Variants in SPHK1 observed in about 807,000 individuals in gnomAD.
SPHK1 encodes the protein sphingosine kinase 1.
A neutral mutation model predicts 14.6 loss-of-function variants in SPHK1; 10 were observed. The ratio of observed to expected loss-of-function variants is 0.68; its 90% confidence interval spans 0.42 to 1.16. The LOEUF is 1.16. SPHK1 is among the 50% of genes most tolerant of loss of function. The pLI is 0.00. For missense variants in SPHK1, 553 were observed against 525.4 expected, an observed-to-expected ratio of 1.05 and a Z score of -0.51; for synonymous variants, 274 against 224.0, an observed-to-expected ratio of 1.22 and a Z score of -1.99.
In SPHK1 at chr17:76,386,215, C is replaced by T. The variant is rs1490586641; in HGVS notation, c.164-6C>T. 3.1e-6 allele frequency: 5 copies of T among 1,595,976 alleles called. No individual in the cohort carries two copies. In the Admixed American group the frequency reaches 8.4e-5, roughly 27 times the overall value. On this transcript the variant is annotated splice_region_variant and splice_polypyrimidine_tract_variant and intron_variant, in intron 3 of 5. Transcript: ENST00000592299. This position sits in a 1 kb window ranked among gnomAD's most constrained non-coding sequence, Gnocchi z 5.3. ...CCAGTCCTGATAGCTGCCGGTCTCC[C>T]TGCAGAGCGGCGGAACCACGCGCGG... is the stretch of plus-strand genomic sequence containing the variant.
chr17:76,384,840 T>TG (rs2071933304), intron 1 of SPHK1, 34 bp downstream of exon 1: 1 of 359,300 alleles, frequency 2.8e-6, no homozygotes, highest in African/African-American at 2.2e-5. Flanking sequence ...GCGCCGCTCG[T>TG]GGCTCCTGTG....
At position 76,387,220 on chromosome 17, in the gene SPHK1, G is replaced by C; in HGVS notation, c.789G>C (p.Leu263=). 1 of 1,613,044 alleles carries C rather than the reference G, an allele frequency of 6.2e-7. No homozygotes were observed. Among genetic ancestry groups the C allele is most frequent in the South Asian group, 1.1e-5 (1 of 91,000 alleles). ...PDEDFVLVLA[L]LHSHLGSEMF... ...AGGACTTTGTGCTAGTCCTGGCACT[G>C]CTGCACTCGCACCTGGGCAGTGAGA... The change falls in exon 6 of 6, where the codon CTG becomes CTC. Residue 263 remains leucine (L), a synonymous_variant. Coordinates refer to ENST00000592299, the MANE Select transcript of SPHK1 (RefSeq NM_001142601.2). The surrounding 1 kb of genome is among the most constrained non-coding windows in gnomAD (Gnocchi z 4.1).
At chr17:76,383,610 C>T, upstream of SPHK1, 2 of 303,030 alleles carry the variant, frequency 6.6e-6, no homozygotes, top group Middle Eastern at 1.1e-3. Flanking sequence ...CTAACTCTGG[C>T]CCTACCTGGG....
rs778122734 is a variant in SPHK1, at chr17:76,386,455, C to T, written c.321C>T (p.Ser107=). 2.5e-6 allele frequency: 4 copies of T among 1,613,028 alleles called. No individual in the cohort carries two copies. Among genetic ancestry groups the T allele is most frequent in the East Asian group, 2.2e-5 (1 of 44,870 alleles). Residue 107 remains serine, a synonymous_variant, in exon 5 of 6, where the codon AGC becomes AGT. Transcript: ENST00000592299. This position sits in a 1 kb window ranked among gnomAD's most constrained non-coding sequence, Gnocchi z 5.3. ...WETAIQKPLC[S]LPAGSGNALA... ...CCGCCATCCAGAAGCCCCTGTGTAG[C>T]CTCCCAGCAGGCTCTGGCAACGCGC...
chr17:76,384,542 G>C (rs967737416), upstream of SPHK1: 3 of 151,156 alleles, frequency 2.0e-5, no homozygotes, highest in Non-Finnish European at 4.4e-5. Context: ...GGCAGAGGCC[G>C]AGGCCGCGCC....
intron 1 of SPHK1, 185 bp downstream of exon 1, chr17:76,384,991 G>A (rs2071936033): frequency 7.8e-7 from 1 of 1,274,828 alleles, no homozygotes; most frequent in Non-Finnish European, 1.1e-6. Context: ...TCGCAACGGA[G>A]CGGGGCCCTG....
In SPHK1 at chr17:76,387,409, C is replaced by T. The variant is rs145285871; in HGVS notation, c.978C>T (p.Ala326=). ...ACTTGGTATATGTGCCCGTGGTCGC[C>T]TTCCGCTTGGAGCCCAAGGATGGGA... ...CPYLVYVPVV[A]FRLEPKDGKG... is the part of the protein sequence containing the mutation. Residue 326 remains alanine, a synonymous_variant, in exon 6 of 6, where the codon GCC becomes GCT. Coordinates refer to ENST00000592299, the MANE Select transcript of SPHK1 (RefSeq NM_001142601.2). The surrounding 1 kb of genome is among the most constrained non-coding windows in gnomAD (Gnocchi z 4.1). 92 of 1,613,708 alleles carry T rather than the reference C, an allele frequency of 5.7e-5. No homozygotes were observed. The highest frequency in any genetic ancestry group is 1.6e-4 in the Middle Eastern group (1 of 6,082).
upstream of SPHK1, chr17:76,384,120 G>A (rs2071916090): frequency 3.6e-6 from 1 of 274,456 alleles, no homozygotes; most frequent in Non-Finnish European, 7.2e-6. Flanking sequence ...TCGAATTTCG[G>A]GTGGGCTAGG....
Position 76,385,400 on chromosome 17 carries a change from C to A in SPHK1, c.-194-51C>A. 1 of 1,474,030 alleles carries A rather than the reference C, an allele frequency of 6.8e-7. No individual in the cohort carries two copies. The highest frequency in any genetic ancestry group is 2.4e-5 in the Admixed American group (1 of 42,420). 91.3% of individuals were successfully genotyped at this position (1,474,030 alleles called of 1,614,324 possible). On this transcript the variant is annotated intron_variant, in intron 1 of 5. Transcript: ENST00000592299. This position sits in a 1 kb window ranked among gnomAD's most constrained non-coding sequence, Gnocchi z 5.3. ...CGGGATTTAGTCGGGCGCTCCCCAC[C>A]TCTGGCAGCTGCGGCCCCGGACTCC...
Position 76,386,254 on chromosome 17 carries a change from C to T in SPHK1, c.197C>T (p.Ser66Leu). Reference protein sequence around the residue: ...RRNHARELVRSEELGRWDALV... With the variant: ...RRNHARELVRLEELGRWDALV... ...AACCACGCGCGGGAGCTGGTGCGGT[C>T]GGAGGAGCTGGGCCGCTGGGACGCT... Residue 66 changes from serine (S) to leucine (L), a missense_variant, in exon 4 of 6, where the codon TCG becomes TTG. Transcript: ENST00000592299. The surrounding 1 kb of genome is among the most constrained non-coding windows in gnomAD (Gnocchi z 5.3). The T allele has an allele frequency of 2.5e-6, 4 of 1,595,090 alleles. No homozygotes were observed. The highest frequency in any genetic ancestry group is 3.4e-6 in the Non-Finnish European group (4 of 1,176,374).
rs943192992 is a variant in SPHK1, at chr17:76,386,189, C to T, written c.164-32C>T. 2.5e-6 allele frequency: 4 copies of T among 1,594,996 alleles called. No homozygotes were observed. Among genetic ancestry groups the T allele is most frequent in the Non-Finnish European group, 3.4e-6 (4 of 1,175,590 alleles). On this transcript the variant is annotated intron_variant, in intron 3 of 5. Coordinates refer to ENST00000592299, the MANE Select transcript of SPHK1 (RefSeq NM_001142601.2). The surrounding 1 kb of genome is among the most constrained non-coding windows in gnomAD (Gnocchi z 5.3). ...GGAGCATCCCCTGGCAGGGGACCCCCCCAGTCCTGATAGCTGCCGGTCTCC... is the reference window on the plus strand; with the variant it reads ...GGAGCATCCCCTGGCAGGGGACCCCTCCAGTCCTGATAGCTGCCGGTCTCC...
At chr17:76,383,473 T>G (rs1007460025), upstream of SPHK1, 1 of 185,502 alleles carries the variant, frequency 5.4e-6, no homozygotes, top group Non-Finnish European at 1.2e-5. Context: ...CCCGGCTAAT[T>G]GGCTGCGTGC....
chr17:76,383,881 CA>C, upstream of SPHK1: 3 of 1,274,290 alleles, frequency 2.4e-6, no homozygotes, highest in Non-Finnish European at 3.1e-6. Context: ...CGGGGGCCCC[CA>C]GGCCCATCTA....
In SPHK1 at chr17:76,385,816, C is replaced by T. The variant is rs1598567961; in HGVS notation, c.10+162C>T. The T allele has an allele frequency of 7.0e-7, 1 of 1,420,352 alleles. No individual in the cohort carries two copies. The highest frequency in any genetic ancestry group is 1.4e-5 in the African/African-American group (1 of 70,782). The allele number at this position is 1,420,352 out of a possible 1,614,324, so 88.0% of individuals were successfully genotyped here. A position where few individuals can be genotyped will look rare whatever the true frequency, so the allele number is the denominator to read the frequency against. ...GAATCTGAGCCAAGGAAGGGGGTGG[C>T]AGGGGCGCCGCGTCCCCACCCCAGG... On this transcript the variant is annotated intron_variant, in intron 2 of 5. Transcript: ENST00000592299. This position sits in a 1 kb window ranked among gnomAD's most constrained non-coding sequence, Gnocchi z 5.3.
chr17:76,386,422 C>A lies in SPHK1; in HGVS notation c.288C>A (p.Asp96Glu), dbSNP rs910453005. The change falls in exon 5 of 6, where the codon GAC becomes GAA. Residue 96 changes from aspartate to glutamate, a missense_variant. Asp to Glu is a conservative substitution (Grantham distance 45). Coordinates refer to ENST00000592299, the MANE Select transcript of SPHK1 (RefSeq NM_001142601.2). The surrounding 1 kb of genome is among the most constrained non-coding windows in gnomAD (Gnocchi z 5.3). Reference protein sequence around the residue: ...EVVNGLMERPDWETAIQKPLC... With the variant: ...EVVNGLMERPEWETAIQKPLC... ...TGAACGGGCTCATGGAGCGGCCTGACTGGGAGACCGCCATCCAGAAGCCCC... is the reference window on the plus strand; with the variant it reads ...TGAACGGGCTCATGGAGCGGCCTGAATGGGAGACCGCCATCCAGAAGCCCC... The A allele has an allele frequency of 6.2e-7, 1 of 1,612,838 alleles. No individual in the cohort carries two copies. Among genetic ancestry groups the A allele is most frequent in the Non-Finnish European group, 8.5e-7 (1 of 1,179,812 alleles).
At chr17:76,384,527 A>T (rs1431912442), upstream of SPHK1, 1 of 150,560 alleles carries the variant, frequency 6.6e-6, no homozygotes, top group African/African-American at 2.4e-5. Context: ...CTGAGGCCGG[A>T]GGCGGGCAGA....
chr17:76,385,314 C>G lies in SPHK1; in HGVS notation c.-194-137C>G. On this transcript the variant is annotated intron_variant, in intron 1 of 5. Transcript: ENST00000592299. The surrounding 1 kb of genome is among the most constrained non-coding windows in gnomAD (Gnocchi z 5.3). The stretch of plus-strand genomic sequence containing the variant: ...CTTAGTCACACGGCGGGGGCGCCCT[C>G]GGAGGCACCGGACCTCAGCTCTCTG... The G allele has an allele frequency of 6.9e-7, 1 of 1,455,666 alleles. No individual in the cohort carries two copies. The highest frequency in any genetic ancestry group is 9.1e-7 in the Non-Finnish European group (1 of 1,104,580). 90.2% of individuals were successfully genotyped at this position (1,455,666 alleles called of 1,614,324 possible).
At chr17:76,384,223 G>C (rs1319470022), upstream of SPHK1, 1 of 153,926 alleles carries the variant, frequency 6.5e-6, no homozygotes, top group African/African-American at 2.4e-5. Context: ...GGTCCCCCGG[G>C]AGAGCGGAGC....
rs749037175 is a variant in SPHK1, at chr17:76,386,108, C to T, written c.134C>T (p.Ala45Val). 5 of 1,599,656 alleles carry T rather than the reference C, an allele frequency of 3.1e-6. No individual in the cohort carries two copies. In the South Asian group the frequency reaches 4.4e-5, roughly 14 times the overall value. The part of the protein sequence containing the change: ...RSHVQPLLAE[A>V]EISFTLMLTE... Reference sequence around the variant, plus strand: ...CACGTGCAGCCCCTTTTGGCTGAGGCTGAAATCTCCTTCACGCTGATGCTC... The same window carrying T: ...CACGTGCAGCCCCTTTTGGCTGAGGTTGAAATCTCCTTCACGCTGATGCTC... Residue 45 changes from alanine to valine, a missense_variant, in exon 3 of 6, where the codon GCT becomes GTT. Physicochemically the swap from Ala to Val is moderately conservative, Grantham distance 64. Coordinates refer to ENST00000592299, the MANE Select transcript of SPHK1 (RefSeq NM_001142601.2). This position sits in a 1 kb window ranked among gnomAD's most constrained non-coding sequence, Gnocchi z 5.3.
Sources: gnomAD v4.1 joint callset for allele counts on GRCh38, gnomAD v4.1.1 for gene constraint, Gnocchi (gnomAD v3.1) non-coding constraint, MANE v1.5 for transcripts, NCBI Gene and HGNC (gene_info 2026-07-23, HGNC 2026-07-21) for gene names.